Variants in RASGEF1C observed in about 807,000 individuals in gnomAD.
RASGEF1C encodes the protein RasGEF domain family member 1C.
In RASGEF1C, 27 loss-of-function variants were observed where a neutral mutation model predicts 58.1. The observed-to-expected ratio is 0.46, with a 90% CI of 0.34 to 0.64. The LOEUF (loss-of-function observed/expected upper bound fraction) is 0.64. Among genes scored for constraint, RASGEF1C ranks in the 30% least tolerant of loss-of-function variants. The pLI is 0.01. For missense variants in RASGEF1C, 502 were observed against 605.1 expected (o/e 0.83, Z 1.79); for synonymous variants, 243 against 246.3 (o/e 0.99, Z 0.13).
chr5:180,139,553 G>T (rs1226769163), intron 1 of RASGEF1C, among the ~76,000 whole-genome samples: 1 of 152,208 alleles, frequency 6.6e-6, no homozygotes, highest in Non-Finnish European at 1.5e-5. Context: ...GCATGGGAAG[G>T]GCTCAGGCAT....
intron 1 of RASGEF1C, among the ~76,000 whole-genome samples, chr5:180,150,530 T>TA (rs33925385): frequency 3.3e-5 from 5 of 150,504 alleles, no homozygotes; most frequent in South Asian, 2.1e-4. Flanking sequence ...CCCCAGGGAT[T>TA]AAAAAAAAAA....
chr5:180,175,944 C>T (rs903141009), intron 1 of RASGEF1C, among the ~76,000 whole-genome samples: 2 of 152,200 alleles, frequency 1.3e-5, no homozygotes, highest in South Asian at 2.1e-4. Context: ...GCGGAGATCA[C>T]GCCACTGCAC....
At position 180,137,559 on chromosome 5, in the gene RASGEF1C, C is replaced by T. The variant is rs908509391; in HGVS notation, c.300+31G>A. On this transcript the variant is annotated intron_variant, in intron 3 of 13. Coordinates refer to ENST00000361132, the MANE Select transcript of RASGEF1C (RefSeq NM_175062.4). The surrounding 1 kb of genome is among the most constrained non-coding windows in gnomAD (Gnocchi z 4.1). ...CATGGCAGGGCAGTGCTGGTACACT[C>T]TGAGACCCCCTGGCCTGCCCTCCGC... The T allele has an allele frequency of 8.8e-6, 14 of 1,598,244 alleles. No individual in the cohort carries two copies. Among genetic ancestry groups the T allele is most frequent in the Non-Finnish European group, 1.2e-5 (14 of 1,174,284 alleles).
At chr5:180,113,627 T>A (rs1582262015) in intron 11 of RASGEF1C, among the ~76,000 whole-genome samples, 1 of 43,368 alleles carries the variant, frequency 2.3e-5, no homozygotes, top group East Asian at 8.5e-4. Flanking sequence ...GACGGAGGGA[T>A]CCGGGGATGG....
chr5:180,113,303 A>AT (rs1282014903), intron 11 of RASGEF1C, among the ~76,000 whole-genome samples: 1 of 71,132 alleles, frequency 1.4e-5, no homozygotes, highest in Non-Finnish European at 2.8e-5. Context: ...GGACGGAGGG[A>AT]CCGGGGATGG....
intron 1 of RASGEF1C, among the ~76,000 whole-genome samples, chr5:180,173,922 CAA>C (rs560581168): frequency 7.1e-5 from 9 of 126,002 alleles, no homozygotes; most frequent in South Asian, 2.6e-4. Flanking sequence ...AAACAACCAC[CAA>C]AAAAAAAAAA....
chr5:180,142,794 C>T (rs746308061), intron 1 of RASGEF1C, among the ~76,000 whole-genome samples: 5 of 152,074 alleles, frequency 3.3e-5, no homozygotes, highest in South Asian at 2.1e-4. Flanking sequence ...CGCACCCCAT[C>T]GTTTTAGAGT....
At chr5:180,140,250 C>T (rs1766554341) in intron 1 of RASGEF1C, among the ~76,000 whole-genome samples, 2 of 152,160 alleles carry the variant, frequency 1.3e-5, no homozygotes, top group Non-Finnish European at 2.9e-5. Context: ...TGCCAGTGGT[C>T]CTCCGACCTC....
At chr5:180,182,344 G>A (rs184026666) in intron 1 of RASGEF1C, among the ~76,000 whole-genome samples, 217 of 151,476 alleles carry the variant, frequency 1.4e-3, no homozygotes, top group African/African-American at 4.8e-3. Context: ...GAATGAAGCC[G>A]CGGACCTTCA....
chr5:180,128,382 G>A (rs925498535), intron 5 of RASGEF1C, 28 bp downstream of exon 5: 1 of 1,594,200 alleles, frequency 6.3e-7, no homozygotes. Flanking sequence ...TGAATCCCGG[G>A]TGAGGAAGGT....
intron 8 of RASGEF1C, 117 bp downstream of exon 8, chr5:180,119,229 G>T: frequency 1.1e-6 from 1 of 885,886 alleles, no homozygotes; most frequent in Non-Finnish European, 1.8e-6. Context: ...CCCGGCCCAC[G>T]CCCTCCCGCT....
Position 180,128,647 on chromosome 5 carries a change from C to T in RASGEF1C, c.439-37G>A, listed in dbSNP as rs766273555. On this transcript the variant is annotated intron_variant, in intron 4 of 13. Transcript: ENST00000361132. ...AAAGAAGGGCGCTCAGGACTGAACACTCATCTCTGCATCTCTAACACTGGA... is the reference window on the plus strand; with the variant it reads ...AAAGAAGGGCGCTCAGGACTGAACATTCATCTCTGCATCTCTAACACTGGA... 4 of 1,595,338 alleles carry T rather than the reference C, an allele frequency of 2.5e-6. No homozygotes were observed. The East Asian group carries it at 9.0e-5, about 36-fold the overall frequency.
At chr5:180,166,718 G>T (rs1045889202) in intron 1 of RASGEF1C, among the ~76,000 whole-genome samples, 2 of 152,016 alleles carry the variant, frequency 1.3e-5, no homozygotes, top group Admixed American at 6.6e-5. Context: ...GTTTCACCAT[G>T]TTGGCCAGGC....
At chr5:180,205,481 T>G (rs1032771930) in intron 1 of RASGEF1C, among the ~76,000 whole-genome samples, 1 of 152,112 alleles carries the variant, frequency 6.6e-6, no homozygotes, top group East Asian at 1.9e-4. Context: ...TAACTCAACT[T>G]CATAAAGATG....
At chr5:180,106,568 C>G (rs1043156276) in intron 12 of RASGEF1C, among the ~76,000 whole-genome samples, 1 of 152,156 alleles carries the variant, frequency 6.6e-6, no homozygotes, top group East Asian at 1.9e-4. Flanking sequence ...CTAAATGTTT[C>G]AAGAGTTTTC....
rs552184134 is a variant in RASGEF1C at position 180,144,028 on chromosome 5, C to G, written c.-6-5970G>C. 3.9e-5 allele frequency among the ~76,000 whole-genome samples: 6 copies of G among 152,238 alleles called. No homozygotes were observed. The East Asian group carries it at 1.2e-3, about 29-fold the overall frequency. On this transcript the variant is annotated intron_variant, in intron 1 of 13. Transcript: ENST00000361132. ...TGAGCTCTGAGAAGAGGGAGCAGTCCCCCTCTTCAGGTTATGGAGACTGGT... is the reference window on the plus strand; with the variant it reads ...TGAGCTCTGAGAAGAGGGAGCAGTCGCCCTCTTCAGGTTATGGAGACTGGT...
At chr5:180,117,610 G>A (rs1017292076) in intron 10 of RASGEF1C, among the ~76,000 whole-genome samples, 1 of 152,192 alleles carries the variant, frequency 6.6e-6, no homozygotes, top group African/African-American at 2.4e-5. Flanking sequence ...GCCTGTGCAT[G>A]ACTCTCTGTA....
At chr5:180,130,283 G>A (rs1040392042) in intron 4 of RASGEF1C, among the ~76,000 whole-genome samples, 1 of 152,222 alleles carries the variant, frequency 6.6e-6, no homozygotes, top group Non-Finnish European at 1.5e-5. Context: ...CCTCTGCGGG[G>A]TAGGGGGCAG....
intron 10 of RASGEF1C, among the ~76,000 whole-genome samples, chr5:180,115,798 G>C (rs1158295566): frequency 6.6e-6 from 1 of 152,104 alleles, no homozygotes; most frequent in Non-Finnish European, 1.5e-5. Flanking sequence ...CGGAAGCAGG[G>C]CTGAGTCCCA....
Sources: allele counts gnomAD v4.1 joint callset (sites outside exome capture counted in the v4.1 genomes callset), GRCh38; gene constraint gnomAD v4.1.1; non-coding constraint Gnocchi (gnomAD v3.1); transcripts MANE v1.5; gene names NCBI Gene and HGNC (gene_info 2026-07-23, HGNC 2026-07-21).